GPHN: variants seen among roughly 807,000 people sequenced by gnomAD.
GPHN encodes gephyrin.
GPHN carries 17 observed loss-of-function variants against 95.5 expected under a neutral mutation model. The observed-to-expected ratio is 0.18, with a 90% confidence interval of 0.12 to 0.27. The LOEUF (loss-of-function observed/expected upper bound fraction) is 0.27. Ranked by LOEUF, GPHN falls within the 10% of genes least tolerant of loss-of-function variation. The probability of loss-of-function intolerance (pLI) is 1.00; values close to 1 mark genes in which losing one functional copy is unlikely to be tolerated. For missense variants in GPHN, 660 were observed against 978.1 expected (o/e 0.67, Z 4.34); for synonymous variants, 320 against 322.5 (o/e 0.99, Z 0.08).
chr14:67,576,611 C>A, the GPHN span: 1 of 595,742 alleles, frequency 1.7e-6, no homozygotes, highest in Non-Finnish European at 3.0e-6. The surrounding 1 kb of genome is among the most constrained non-coding windows in gnomAD (Gnocchi z 4.0). Context: ...GTTTTTAAAA[C>A]ATCTAAGCCA....
At chr14:67,618,815 A>G in the GPHN span, among the ~76,000 whole-genome samples, 21 of 152,226 alleles carry the variant, frequency 1.4e-4, no homozygotes, top group African/African-American at 5.1e-4. Context: ...GGGGGAGACA[A>G]TATACAACAG....
chr14:67,050,504 A>G (rs1663917751), intron 10 of GPHN, among the ~76,000 whole-genome samples: 1 of 152,254 alleles, frequency 6.6e-6, no homozygotes, highest in Non-Finnish European at 1.5e-5. Context: ...TGAGTTTACC[A>G]TCTACTAGCA....
the GPHN span, among the ~76,000 whole-genome samples, chr14:67,672,290 T>A: frequency 6.6e-6 from 1 of 151,570 alleles, no homozygotes; most frequent in East Asian, 1.9e-4. Flanking sequence ...GGCTAATTTT[T>A]TTATTTTTTG....
At chr14:66,511,985 G>A (rs1273877387) in intron 1 of GPHN, among the ~76,000 whole-genome samples, 1 of 151,910 alleles carries the variant, frequency 6.6e-6, no homozygotes, top group African/African-American at 2.4e-5. Context: ...AGAAATGAAA[G>A]TCACATGGTG....
the GPHN span, among the ~76,000 whole-genome samples, chr14:67,427,485 C>T: frequency 6.6e-6 from 1 of 152,158 alleles, no homozygotes; most frequent in South Asian, 2.1e-4. Context: ...GGGCTTCCGT[C>T]GTTGTTCTCT....
the GPHN span, among the ~76,000 whole-genome samples, chr14:67,661,726 G>T: frequency 6.6e-6 from 1 of 151,552 alleles, no homozygotes; most frequent in Non-Finnish European, 1.5e-5. Context: ...GAGATGGGGG[G>T]TCTCCCTATG....
At position 66,649,021 on chromosome 14, in the gene GPHN, G is replaced by C. The variant is rs939524116; in HGVS notation, c.65-32086G>C. On this transcript the variant is annotated intron_variant, in intron 1 of 22. Transcript: ENST00000478722. ...AAACTTTACAATGAAAGTATGTTTG[G>C]TAATACAGTTAATATAAAAATCAGG... Among the ~76,000 whole-genome samples, 10 of 152,224 alleles carry C rather than the reference G, an allele frequency of 6.6e-5. No homozygotes were observed. The East Asian group carries it at 1.9e-3, about 29-fold the overall frequency.
the GPHN span, chr14:67,332,951 AG>A: frequency 6.2e-7 from 1 of 1,602,890 alleles, no homozygotes; most frequent in South Asian, 1.1e-5. Context: ...CACTTGGCTG[AG>A]GTGAAAGAAA....
At chr14:67,051,242 C>T (rs2075293747) in intron 10 of GPHN, among the ~76,000 whole-genome samples, 1 of 152,104 alleles carries the variant, frequency 6.6e-6, no homozygotes, top group Non-Finnish European at 1.5e-5. Context: ...CAGCTCCAGT[C>T]TGCCAGTTTA....
chr14:67,240,467 C>T, the GPHN span, among the ~76,000 whole-genome samples: 1 of 152,114 alleles, frequency 6.6e-6, no homozygotes. Flanking sequence ...GAAACTGTGC[C>T]CCCGGGCTGG....
Position 66,726,824 on chromosome 14 carries a change from TCATGCA to T in GPHN, c.143+45640_143+45645del, listed in dbSNP as rs1356961934. 9.8e-5 allele frequency among the ~76,000 whole-genome samples: 15 copies of T among 152,344 alleles called. No homozygotes were observed. In the East Asian group the frequency reaches 2.9e-3, roughly 29 times the overall value. On this transcript the variant is annotated intron_variant, in intron 2 of 22. Transcript: ENST00000478722. ...CAGGTGAAAAATTGCACACCTGACC[TCATGCA>T]GTGAATTGCAATCAAAACTTTATTT...
At position 66,961,900 on chromosome 14, in the gene GPHN, G is replaced by GTATATATATATA. The variant is rs767734322; in HGVS notation, c.829-3254_829-3243dup. On this transcript the variant is annotated intron_variant, in intron 8 of 22. Coordinates refer to ENST00000478722, the MANE Select transcript of GPHN (RefSeq NM_020806.5). ...AACCAACCATTCTATCCCTGAATGT[G>GTATATATATATA]TATATATATATATATATATATATAT... is the stretch of plus-strand genomic sequence containing the variant. 3.3e-3 allele frequency among the ~76,000 whole-genome samples: 174 copies of GTATATATATATA among 52,936 alleles called. 14 individuals are homozygous for GTATATATATATA. Among genetic ancestry groups the GTATATATATATA allele is most frequent in the Non-Finnish European group, 5.7e-3 (129 of 22,450 alleles). 34.7% of individuals were successfully genotyped at this position (52,936 alleles called of 152,430 possible). A position where few individuals can be genotyped will look rare whatever the true frequency, so the allele number is the denominator to read the frequency against.
At chr14:66,510,016 T>C (rs973846663) in intron 1 of GPHN, among the ~76,000 whole-genome samples, 2 of 152,200 alleles carry the variant, frequency 1.3e-5, no homozygotes, top group African/African-American at 2.4e-5. Context: ...TGAATTTTCC[T>C]AATTAAAAGA....
At chr14:67,521,755 G>A in the GPHN span, among the ~76,000 whole-genome samples, 1 of 152,128 alleles carries the variant, frequency 6.6e-6, no homozygotes. Context: ...ATTAAGAGAG[G>A]AAAAGACCAA....
chr14:67,031,254 T>C (rs1163306163), intron 10 of GPHN, among the ~76,000 whole-genome samples: 1 of 152,174 alleles, frequency 6.6e-6, no homozygotes, highest in African/African-American at 2.4e-5. Flanking sequence ...CATGAATTTT[T>C]ATCTTTTTTA....
At chr14:66,585,424 C>G (rs146768812) in intron 1 of GPHN, among the ~76,000 whole-genome samples, 79 of 152,254 alleles carry the variant, frequency 5.2e-4, no homozygotes, top group African/African-American at 1.6e-3. Context: ...TTCTTGCATT[C>G]TGCTAGCGTT....
At chr14:67,135,290 G>A (rs1230130415) in intron 17 of GPHN, among the ~76,000 whole-genome samples, 1 of 151,896 alleles carries the variant, frequency 6.6e-6, no homozygotes, top group Non-Finnish European at 1.5e-5. Flanking sequence ...ATAAAGGACT[G>A]TGTGTGTGTG....
At chr14:67,586,363 T>G in the GPHN span, 1 of 1,412,548 alleles carries the variant, frequency 7.1e-7, no homozygotes, top group Admixed American at 2.1e-5. Flanking sequence ...TTTTATTCTC[T>G]CAAGCCCCAG....
chr14:67,390,428 C>A, the GPHN span, among the ~76,000 whole-genome samples: 1 of 152,112 alleles, frequency 6.6e-6, no homozygotes, highest in Non-Finnish European at 1.5e-5. Context: ...GATAAAGATG[C>A]CCTCCCATGG....
Sources: allele counts gnomAD v4.1 joint callset (sites outside exome capture counted in the v4.1 genomes callset), GRCh38; gene constraint gnomAD v4.1.1; non-coding constraint Gnocchi (gnomAD v3.1); transcripts MANE v1.5; gene names NCBI Gene and HGNC (gene_info 2026-07-23, HGNC 2026-07-21).